The following TTC23L variants were observed in gnomAD, a reference collection of about 807,000 sequenced individuals.
TTC23L encodes tetratricopeptide repeat protein 23-like.
In TTC23L, 42 loss-of-function variants were observed where a neutral mutation model predicts 48.1. The observed-to-expected ratio is 0.87, with a 90% CI of 0.68 to 1.13. TTC23L has a LOEUF of 1.13. Among genes scored for constraint, TTC23L ranks in the 50% most tolerant of loss-of-function variants. The pLI is 0.00. For missense variants in TTC23L, 391 were observed against 421.0 expected (o/e 0.93, Z 0.62); for synonymous variants, 159 against 157.2 (o/e 1.01, Z -0.09).
At chr5:34,840,906 G>A (rs923514118) in intron 2 of TTC23L, among the ~76,000 whole-genome samples, 167 bp downstream of exon 2, 5 of 152,050 alleles carry the variant, frequency 3.3e-5, no homozygotes, top group African/African-American at 4.8e-5. Flanking sequence ...AATTAGCTGC[G>A]CGGTAGTGGC....
chr5:34,888,385 T>G, intron 9 of TTC23L: 76 of 615,938 alleles, frequency 1.2e-4, no homozygotes, highest in Non-Finnish European at 1.5e-4. Context: ...GGTCCTTTCC[T>G]GAGTTTGGTT....
At chr5:34,851,104 G>A (rs1759640643) in intron 4 of TTC23L, among the ~76,000 whole-genome samples, 1 of 152,104 alleles carries the variant, frequency 6.6e-6, no homozygotes, top group Non-Finnish European at 1.5e-5. Flanking sequence ...GGCGGGACTG[G>A]TCTCATTTGA....
chr5:34,922,243 A>G, the TTC23L span: 1 of 1,589,664 alleles, frequency 6.3e-7, no homozygotes, highest in Non-Finnish European at 8.6e-7. Context: ...ACTGTAATAA[A>G]TGCATCTATT....
the TTC23L span, chr5:34,911,572 G>A: frequency 6.2e-7 from 1 of 1,614,184 alleles, no homozygotes. Context: ...AGGCTTGTCA[G>A]GAGACATGGT....
the TTC23L span, among the ~76,000 whole-genome samples, chr5:34,917,094 G>A: frequency 6.6e-6 from 1 of 152,088 alleles, no homozygotes; most frequent in Non-Finnish European, 1.5e-5. Flanking sequence ...ATCAGAGGAA[G>A]TGTAGAATTT....
intron 2 of TTC23L, among the ~76,000 whole-genome samples, chr5:34,843,436 C>T (rs1758859848): frequency 6.6e-6 from 1 of 152,220 alleles, no homozygotes; most frequent in Non-Finnish European, 1.5e-5. Flanking sequence ...TTTACATTCT[C>T]AAATCATTTG....
At chr5:34,857,383 T>C (rs1760217395) in intron 4 of TTC23L, among the ~76,000 whole-genome samples, 1 of 152,196 alleles carries the variant, frequency 6.6e-6, no homozygotes, top group Non-Finnish European at 1.5e-5. Context: ...CTGTTACAAA[T>C]GTTGCAAAAT....
chr5:34,850,448 G>C (rs1759583896), intron 4 of TTC23L, 140 bp downstream of exon 4: 1 of 915,404 alleles, frequency 1.1e-6, no homozygotes, highest in Non-Finnish European at 1.6e-6. Context: ...GAAAGTCCAT[G>C]GATGAGGGAG....
downstream of TTC23L, among the ~76,000 whole-genome samples, chr5:34,900,232 C>G (rs1338943097): frequency 6.6e-6 from 1 of 152,066 alleles, no homozygotes; most frequent in Non-Finnish European, 1.5e-5. Context: ...TAACTGGGAG[C>G]CTTACTGATA....
intron 9 of TTC23L, among the ~76,000 whole-genome samples, chr5:34,887,782 T>C (rs1291917144): frequency 1.3e-5 from 2 of 152,190 alleles, no homozygotes; most frequent in African/African-American, 4.8e-5. Context: ...TATGTATTTC[T>C]GAAGAAATTA....
the TTC23L span, chr5:34,909,141 AT>A: frequency 1.0e-6 from 1 of 964,278 alleles, no homozygotes; most frequent in Non-Finnish European, 1.5e-6. Flanking sequence ...TCTACTATTC[AT>A]TTTTATAAAA....
chr5:34,916,418 G>A, the TTC23L span: 4 of 152,462 alleles, frequency 2.6e-5, no homozygotes, highest in African/African-American at 9.7e-5. Flanking sequence ...GGTAGTATGA[G>A]CTTTACTTGT....
At chr5:34,878,640 A>G (rs143188637) in intron 8 of TTC23L, among the ~76,000 whole-genome samples, 3 of 152,342 alleles carry the variant, frequency 2.0e-5, no homozygotes, top group African/African-American at 7.2e-5. Flanking sequence ...TAGATGAGAA[A>G]TCATCTTACT....
At chr5:34,901,762 C>CA (rs774957713), downstream of TTC23L, among the ~76,000 whole-genome samples, 2 of 126,368 alleles carry the variant, frequency 1.6e-5, no homozygotes, top group Non-Finnish European at 3.2e-5. Flanking sequence ...AACTCCATCT[C>CA]AAAAACAAAA....
At chr5:34,876,855 G>T (rs1761871820) in intron 8 of TTC23L, among the ~76,000 whole-genome samples, 1 of 152,074 alleles carries the variant, frequency 6.6e-6, no homozygotes, top group African/African-American at 2.4e-5. Flanking sequence ...GGGGGCTGGG[G>T]GAGGGATAGT....
At chr5:34,902,146 G>A (rs184442372), downstream of TTC23L, among the ~76,000 whole-genome samples, 4 of 152,144 alleles carry the variant, frequency 2.6e-5, no homozygotes, top group African/African-American at 4.8e-5. Flanking sequence ...TCAAATGGCC[G>A]GGCGCGGTGG....
the TTC23L span, chr5:34,909,082 T>A: frequency 9.9e-7 from 1 of 1,014,010 alleles, no homozygotes; most frequent in Non-Finnish European, 1.4e-6. Context: ...TTTTCTGTTT[T>A]AAAATTCATT....
chr5:34,912,567 T>C, the TTC23L span, among the ~76,000 whole-genome samples: 1 of 152,230 alleles, frequency 6.6e-6, no homozygotes, highest in South Asian at 2.1e-4. Context: ...TATTGAATTT[T>C]TCCTAGCTAA....
intron 4 of TTC23L, among the ~76,000 whole-genome samples, chr5:34,859,075 T>C (rs1760359308): frequency 1.3e-5 from 2 of 152,116 alleles, no homozygotes; most frequent in African/African-American, 4.8e-5. Context: ...CTTTCTTGAG[T>C]GGTAGTTGTT....
Sources: allele counts gnomAD v4.1 joint callset (sites outside exome capture counted in the v4.1 genomes callset), GRCh38; gene constraint gnomAD v4.1.1; transcripts MANE v1.5; gene names NCBI Gene and HGNC (gene_info 2026-07-23, HGNC 2026-07-21).